CTNNA2: variants seen among roughly 807,000 people sequenced by gnomAD.
The protein encoded by CTNNA2 is catenin alpha 2, also known as catenin alpha-2.
A neutral mutation model predicts 101.0 loss-of-function variants in CTNNA2; 42 were observed. The ratio of observed to expected loss-of-function variants is 0.42; its 90% confidence interval spans 0.32 to 0.54. CTNNA2 has a LOEUF of 0.54. CTNNA2 is among the 20% of genes least tolerant of loss of function. The pLI is 0.14. For missense variants in CTNNA2, 871 were observed against 1,223.1 expected, an observed-to-expected ratio of 0.71 and a Z score of 4.29; for synonymous variants, 450 against 456.4, an observed-to-expected ratio of 0.99 and a Z score of 0.18.
chr2:79,187,000 G>A (rs893918142), intron 1 of CTNNA2, among the ~76,000 whole-genome samples: 1 of 152,016 alleles, frequency 6.6e-6, no homozygotes, highest in Non-Finnish European at 1.5e-5. Context: ...TTTGAAACCT[G>A]AAAGACCTTG....
intron 7 of CTNNA2, among the ~76,000 whole-genome samples, chr2:80,132,275 T>C (rs34531830): frequency 6.6e-6 from 1 of 152,100 alleles, no homozygotes; most frequent in African/African-American, 2.4e-5. Flanking sequence ...CCTTGGGCTG[T>C]CCTTGCATGC....
At chr2:79,646,524 C>CTT (rs67454188) in intron 1 of CTNNA2, among the ~76,000 whole-genome samples, 2,894 of 106,004 alleles carry the variant, frequency 0.027, 109 homozygotes, top group African/African-American at 0.053. Flanking sequence ...TTCTTTCTGT[C>CTT]TTTTTTTTTT....
At chr2:80,306,687 G>A (rs1677057045) in intron 7 of CTNNA2, among the ~76,000 whole-genome samples, 1 of 151,998 alleles carries the variant, frequency 6.6e-6, no homozygotes, top group African/African-American at 2.4e-5. Flanking sequence ...AACTCTAAAG[G>A]GTTGGGAGGT....
chr2:80,613,854 T>C (rs911090050), intron 17 of CTNNA2, among the ~76,000 whole-genome samples: 3 of 151,508 alleles, frequency 2.0e-5, no homozygotes, highest in Non-Finnish European at 3.0e-5. Context: ...TGGATTTGAT[T>C]GTGTCACCTA....
rs763496570 is a variant in CTNNA2, at chr2:79,865,182, C to T, written c.466-4634C>T. 5.3e-5 allele frequency among the ~76,000 whole-genome samples: 8 copies of T among 151,920 alleles called. No homozygotes were observed. In the South Asian group the frequency reaches 1.5e-3, roughly 28 times the overall value. ...TTCTGATGAAATCATTTTTTTCTTC[C>T]CTTGTTGACAAGGAAAGACACAATT... On this transcript the variant is annotated intron_variant, in intron 4 of 18. Coordinates refer to ENST00000402739, the MANE Select transcript of CTNNA2 (RefSeq NM_001282597.3).
chr2:80,332,342 G>A (rs1468719164), intron 7 of CTNNA2, among the ~76,000 whole-genome samples: 1 of 152,148 alleles, frequency 6.6e-6, no homozygotes, highest in Admixed American at 6.5e-5. Flanking sequence ...TCTTTGGGTT[G>A]TCTGTTTTTA....
rs186560586 is a variant in CTNNA2 at position 79,320,641 on chromosome 2, C to T, written c.-318+7845C>T. On this transcript the variant is annotated intron_variant, in intron 3 of 21. Transcript: ENST00000466387. The stretch of plus-strand genomic sequence containing the variant: ...CAGCCTTGTAGATGTTGGAATCCAC[C>T]GGCAAGACCTACAGACCAGCCCATG... Among the ~76,000 whole-genome samples the T allele has an allele frequency of 4.0e-3, 605 of 152,194 alleles. 3 individuals are homozygous for T. Among genetic ancestry groups the T allele is most frequent in the African/African-American group, 0.01 (432 of 41,522 alleles).
At chr2:80,468,598 A>G (rs1685048131) in intron 9 of CTNNA2, among the ~76,000 whole-genome samples, 1 of 152,062 alleles carries the variant, frequency 6.6e-6, no homozygotes, top group African/African-American at 2.4e-5. Context: ...TTGTATTTTT[A>G]GTAGAGACGG....
At chr2:79,879,661 T>C (rs571658618) in intron 6 of CTNNA2, among the ~76,000 whole-genome samples, 34 of 152,280 alleles carry the variant, frequency 2.2e-4, no homozygotes, top group African/African-American at 8.2e-4. Flanking sequence ...TTTTTGCACA[T>C]TGATTTTGTA....
chr2:79,915,534 G>A (rs974707732), intron 7 of CTNNA2, among the ~76,000 whole-genome samples: 2 of 152,220 alleles, frequency 1.3e-5, no homozygotes, highest in Middle Eastern at 6.8e-3. Flanking sequence ...TATTTTTAGG[G>A]AAGAGCCTTG....
intron 7 of CTNNA2, among the ~76,000 whole-genome samples, chr2:80,110,914 A>T (rs1701175062): frequency 6.6e-6 from 1 of 152,230 alleles, no homozygotes; most frequent in African/African-American, 2.4e-5. Context: ...TAGGTAATTT[A>T]TAAAGGAAAG....
intron 7 of CTNNA2, among the ~76,000 whole-genome samples, chr2:80,245,861 C>G (rs1671288730): frequency 8.9e-6 from 1 of 111,802 alleles, no homozygotes; most frequent in Admixed American, 1.4e-4. Flanking sequence ...GTGGCTCAAT[C>G]TCGGCTCACT....
intron 7 of CTNNA2, among the ~76,000 whole-genome samples, chr2:80,048,041 G>A (rs1277632724): frequency 1.3e-5 from 2 of 152,120 alleles, no homozygotes; most frequent in Non-Finnish European, 2.9e-5. Flanking sequence ...TATAACCAAA[G>A]AGGAGGCCGC....
intron 3 of CTNNA2, among the ~76,000 whole-genome samples, chr2:79,371,200 G>C (rs1677863789): frequency 6.6e-6 from 1 of 152,058 alleles, no homozygotes; most frequent in Non-Finnish European, 1.5e-5. Context: ...CTGGTGAAAG[G>C]CCCACGGGGT....
chr2:79,918,759 T>G (rs1282950079), intron 7 of CTNNA2, among the ~76,000 whole-genome samples: 6 of 152,100 alleles, frequency 3.9e-5, no homozygotes, highest in African/African-American at 1.4e-4. Flanking sequence ...ACTTTAAACC[T>G]GGGGCTCAAA....
chr2:79,295,180 C>G (rs1348814653), intron 2 of CTNNA2, among the ~76,000 whole-genome samples: 1 of 152,150 alleles, frequency 6.6e-6, no homozygotes, highest in African/African-American at 2.4e-5. Context: ...CAACCATTGT[C>G]TCCTCCAGGT....
chr2:79,654,754 T>C (rs1270242026), intron 2 of CTNNA2, among the ~76,000 whole-genome samples: 1 of 152,202 alleles, frequency 6.6e-6, no homozygotes, highest in East Asian at 1.9e-4. Context: ...ATATTTTTCA[T>C]TCAGTCATGA....
chr2:79,596,711 C>T (rs1238236941), intron 1 of CTNNA2, among the ~76,000 whole-genome samples: 3 of 152,204 alleles, frequency 2.0e-5, no homozygotes, highest in African/African-American at 7.2e-5. Context: ...CAAAGCCACA[C>T]ATTTTTCCAT....
At chr2:80,473,600 C>G (rs1220138607) in intron 9 of CTNNA2, among the ~76,000 whole-genome samples, 1 of 152,216 alleles carries the variant, frequency 6.6e-6, no homozygotes, top group Non-Finnish European at 1.5e-5. Flanking sequence ...TGGAACCCAC[C>G]TCACCAGTGA....
Sources: allele counts gnomAD v4.1 joint callset (sites outside exome capture counted in the v4.1 genomes callset), GRCh38; gene constraint gnomAD v4.1.1; transcripts MANE v1.5; gene names NCBI Gene and HGNC (gene_info 2026-07-23, HGNC 2026-07-21).